Variants in APOL3 observed in about 807,000 individuals in gnomAD.
APOL3 encodes the protein apolipoprotein L3, also known as TNF-inducible protein CG12-1.
A neutral mutation model predicts 11.6 loss-of-function variants in APOL3; 14 were observed. That is an observed-to-expected ratio of 1.21 (90% CI 0.80 to 1.89). The LOEUF (loss-of-function observed/expected upper bound fraction) is 1.89. Among genes scored for constraint, APOL3 ranks in the 40% most tolerant of loss-of-function variants. The pLI, the probability that APOL3 is intolerant of heterozygous loss-of-function variation, is 0.00. For missense variants in APOL3, 483 were observed against 492.1 expected, an observed-to-expected ratio of 0.98 and a Z score of 0.17; for synonymous variants, 192 against 190.6, an observed-to-expected ratio of 1.01 and a Z score of -0.06.
intron 1 of APOL3, among the ~76,000 whole-genome samples, chr22:36,156,360 A>G (rs2012831272): frequency 6.6e-6 from 1 of 152,124 alleles, no homozygotes; most frequent in African/African-American, 2.4e-5. Context: ...GCCTTCGTGC[A>G]TTAGCACGGG....
At chr22:36,142,622 A>G (rs1007124632) in intron 2 of APOL3, among the ~76,000 whole-genome samples, 7 of 152,090 alleles carry the variant, frequency 4.6e-5, no homozygotes, top group African/African-American at 1.7e-4. Context: ...TTTTGGGGCT[A>G]TTACGTATCT....
chr22:36,142,848 G>A (rs980642536), intron 2 of APOL3, among the ~76,000 whole-genome samples: 2 of 152,130 alleles, frequency 1.3e-5, no homozygotes, highest in Admixed American at 1.3e-4. Context: ...TGCCCATCCC[G>A]TGCTTGCTGG....
intron 1 of APOL3, among the ~76,000 whole-genome samples, chr22:36,152,607 CACA>C (rs2011946996): frequency 6.6e-6 from 1 of 152,104 alleles, no homozygotes; most frequent in Non-Finnish European, 1.5e-5. Flanking sequence ...GTTTAGTTCT[CACA>C]ACAACCATCC....
At chr22:36,150,013 G>A (rs2060373171) in intron 1 of APOL3, 1 of 423,562 alleles carries the variant, frequency 2.4e-6, no homozygotes, top group Non-Finnish European at 4.8e-6. Context: ...ATCTTGCTTT[G>A]TTGCCCAGAG....
chr22:36,145,214 T>C (rs1304795866), intron 2 of APOL3, among the ~76,000 whole-genome samples: 1 of 152,130 alleles, frequency 6.6e-6, no homozygotes, highest in Admixed American at 6.5e-5. Context: ...AGTAGTCAAG[T>C]AGCTTGCAAA....
upstream of APOL3, among the ~76,000 whole-genome samples, chr22:36,163,368 G>A (rs1387099730): frequency 2.6e-5 from 4 of 152,198 alleles, no homozygotes; most frequent in South Asian, 4.1e-4. Flanking sequence ...ATAACCTTTG[G>A]AGAACTCCCC....
chr22:36,144,643 A>G (rs1025226457), intron 2 of APOL3, among the ~76,000 whole-genome samples: 2 of 152,212 alleles, frequency 1.3e-5, no homozygotes, highest in African/African-American at 2.4e-5. Context: ...CAGCATCTCC[A>G]GGAACACACA....
chr22:36,158,505 C>T (rs140858491), intron 1 of APOL3, among the ~76,000 whole-genome samples: 1 of 152,084 alleles, frequency 6.6e-6, no homozygotes, highest in African/African-American at 2.4e-5. Context: ...GTAGGCGGGT[C>T]CCTAACACTA....
At chr22:36,155,655 G>T in intron 1 of APOL3, 1 of 160,112 alleles carries the variant, frequency 6.2e-6, no homozygotes. Context: ...AACATCATGA[G>T]CCATAAGGAC....
chr22:36,147,827 C>T (rs1295648546), intron 1 of APOL3, among the ~76,000 whole-genome samples: 1 of 152,134 alleles, frequency 6.6e-6, no homozygotes. Context: ...CCTGGGCAAA[C>T]AAAAGCAAAC....
chr22:36,163,526 CT>C (rs1177392222), upstream of APOL3, among the ~76,000 whole-genome samples: 3 of 152,124 alleles, frequency 2.0e-5, no homozygotes, highest in Non-Finnish European at 2.9e-5. Flanking sequence ...TCTTTTCTTT[CT>C]TTCTAACCAC....
intron 1 of APOL3, among the ~76,000 whole-genome samples, chr22:36,158,045 A>G (rs1371885330): frequency 6.6e-6 from 1 of 151,740 alleles, no homozygotes; most frequent in Non-Finnish European, 1.5e-5. Flanking sequence ...GCCAGACTCC[A>G]TCTCATAAAT....
chr22:36,153,996 A>T (rs2012289997), intron 1 of APOL3, among the ~76,000 whole-genome samples: 1 of 152,222 alleles, frequency 6.6e-6, no homozygotes, highest in Non-Finnish European at 1.5e-5. Context: ...ACCGGAGATC[A>T]ATAGGAAGGA....
At chr22:36,161,462 C>T (rs2013690508), upstream of APOL3, 1 of 160,310 alleles carries the variant, frequency 6.2e-6, no homozygotes, top group African/African-American at 2.4e-5. Flanking sequence ...CGTTCCAGAC[C>T]TGCTCTTGTC....
rs1603474414 is a variant in APOL3, at chr22:36,142,075, C to G, written c.351-17G>C. The G allele has an allele frequency of 6.3e-7, 1 of 1,575,286 alleles. No individual in the cohort carries two copies. The highest frequency in any genetic ancestry group is 8.6e-7 in the Non-Finnish European group (1 of 1,162,376). On this transcript the variant is annotated splice_polypyrimidine_tract_variant and intron_variant, in intron 2 of 2. Transcript: ENST00000349314. ...GCCTCATCCCTGTACCAATAAAGGA[C>G]AGATGATTAAGAAAGGCAGCTTACT...
At chr22:36,153,118 T>TA (rs1289182405) in intron 1 of APOL3, among the ~76,000 whole-genome samples, 5 of 150,502 alleles carry the variant, frequency 3.3e-5, no homozygotes, top group African/African-American at 9.7e-5. Flanking sequence ...TCTCAGAAAA[T>TA]AAAAAAAGGA....
chr22:36,144,525 AC>A (rs1427839910), intron 2 of APOL3, among the ~76,000 whole-genome samples: 1 of 151,566 alleles, frequency 6.6e-6, no homozygotes, highest in Non-Finnish European at 1.5e-5. Context: ...GCCAAGATCC[AC>A]CCCCAGCTCT....
Position 36,160,685 on chromosome 22 carries a change from G to T in APOL3, c.207C>A (p.Phe69Leu). 1 of 1,614,184 alleles carries T rather than the reference G, an allele frequency of 6.2e-7. No individual in the cohort carries two copies. Reference sequence around the variant, plus strand: ...CTAACTTACCAAGGAAGCTTCTCTTGAAAGAGTGTGAGCAAGATCCAGCTG... The same window carrying T: ...CTAACTTACCAAGGAAGCTTCTCTTTAAAGAGTGTGAGCAAGATCCAGCTG... Residue 69 changes from phenylalanine to leucine, a missense_variant, in exon 1 of 3, where the codon TTC becomes TTA. By Grantham distance (22) the Phe-to-Leu change is conservative (BLOSUM62 0). An upstream open reading frame in the 5' UTR gains an earlier in-frame stop. Coordinates refer to ENST00000349314, the Ensembl canonical transcript of APOL3.
chr22:36,149,798 C>G (rs1331381452), intron 1 of APOL3: 4 of 455,098 alleles, frequency 8.8e-6, no homozygotes, highest in South Asian at 6.2e-5. Context: ...CTCCTCATTC[C>G]AAATCTGTGT....
Sources: gnomAD v4.1 joint callset for allele counts (sites outside exome capture counted in the v4.1 genomes callset) on GRCh38, gnomAD v4.1.1 for gene constraint, MANE v1.5 for transcripts, NCBI Gene and HGNC (gene_info 2026-07-23, HGNC 2026-07-21) for gene names.